INO80: variants seen among roughly 807,000 people sequenced by gnomAD.
The protein encoded by INO80 is INO80 complex ATPase subunit.
Under a neutral mutation model 203.4 loss-of-function variants are expected in INO80, and 20 were observed. The observed-to-expected ratio is 0.10, with a 90% CI of 0.07 to 0.14. The LOEUF (loss-of-function observed/expected upper bound fraction) is 0.14. Among genes scored for constraint, INO80 ranks in the 10% least tolerant of loss-of-function variants. INO80 has a pLI of 1.00. For missense variants in INO80, 1,419 were observed against 1,914.4 expected (o/e 0.74, Z 4.83); for synonymous variants, 726 against 685.2 (o/e 1.06, Z -0.93).
rs966917789 is a variant in INO80, at chr15:41,014,128, C to G, written c.3402+1960G>C. Among the ~76,000 whole-genome samples, 22 of 152,174 alleles carry G rather than the reference C, an allele frequency of 1.4e-4. 1 individual carries two copies. The highest frequency in any genetic ancestry group is 5.1e-4 in the African/African-American group (21 of 41,446). On this transcript the variant is annotated intron_variant, in intron 27 of 35. Coordinates refer to ENST00000648947, the MANE Select transcript of INO80 (RefSeq NM_017553.3). Reference sequence around the variant, plus strand: ...ACCGAGGGAAGGACTATAATAAAGGCTGTATCAAACTTAAACCACCTACAC... The same window carrying G: ...ACCGAGGGAAGGACTATAATAAAGGGTGTATCAAACTTAAACCACCTACAC...
At chr15:41,081,314 G>C (rs1232007747) in intron 7 of INO80, among the ~76,000 whole-genome samples, 1 of 152,126 alleles carries the variant, frequency 6.6e-6, no homozygotes, top group African/African-American at 2.4e-5. Flanking sequence ...GTATACTTTT[G>C]GGAAGATGTT....
At chr15:41,075,048 T>G (rs957515341) in intron 9 of INO80, among the ~76,000 whole-genome samples, 1 of 152,168 alleles carries the variant, frequency 6.6e-6, no homozygotes, top group African/African-American at 2.4e-5. Context: ...AATGAATAAC[T>G]TTCATTCATA....
At chr15:40,998,548 C>T (rs1226657104) in intron 28 of INO80, among the ~76,000 whole-genome samples, 2 of 152,140 alleles carry the variant, frequency 1.3e-5, no homozygotes, top group Non-Finnish European at 2.9e-5. Flanking sequence ...CAAAGAAACA[C>T]TGAATTACAA....
At chr15:41,111,818 C>A (rs1382643687) in intron 1 of INO80, among the ~76,000 whole-genome samples, 17 of 151,026 alleles carry the variant, frequency 1.1e-4, no homozygotes, top group Non-Finnish European at 5.9e-5. Context: ...AAAAAAAAAA[C>A]GTTTTTGCGG....
chr15:41,104,119 G>A (rs1485335611), intron 1 of INO80, among the ~76,000 whole-genome samples: 2 of 150,406 alleles, frequency 1.3e-5, no homozygotes, highest in African/African-American at 4.9e-5. Context: ...TACTTGGGAG[G>A]CTGAGGCAGC....
chr15:41,071,748 A>T lies in INO80; in HGVS notation c.1605+101T>A. 4 of 1,088,528 alleles carry T rather than the reference A, an allele frequency of 3.7e-6. No homozygotes were observed. The South Asian group carries it at 5.8e-5, about 16-fold the overall frequency. The allele number at this position is 1,088,528 out of a possible 1,614,324, so 67.4% of individuals were successfully genotyped here. A position where few individuals can be genotyped will look rare whatever the true frequency, so the allele number is the denominator to read the frequency against. On this transcript the variant is annotated intron_variant, in intron 12 of 35. Transcript: ENST00000648947. ...AGTGCTGGAATTGCAGGCATGAGCCACCGCGCTCAGCCAGATCTTGTACTC... is the reference window on the plus strand; with the variant it reads ...AGTGCTGGAATTGCAGGCATGAGCCTCCGCGCTCAGCCAGATCTTGTACTC...
At chr15:40,982,239 A>G (rs553403371) in intron 35 of INO80, among the ~76,000 whole-genome samples, 2 of 152,278 alleles carry the variant, frequency 1.3e-5, no homozygotes, top group African/African-American at 4.8e-5. Context: ...CTCCACCTCC[A>G]GGGTTCAGTC....
chr15:41,010,820 A>C (rs2044123522), intron 27 of INO80, among the ~76,000 whole-genome samples: 1 of 152,220 alleles, frequency 6.6e-6, no homozygotes, highest in African/African-American at 2.4e-5. Context: ...TCATTTTGAT[A>C]AAACAATTTA....
chr15:41,013,641 G>A lies in INO80; in HGVS notation c.3402+2447C>T, dbSNP rs139340533. Among the ~76,000 whole-genome samples the A allele has an allele frequency of 2.7e-3, 409 of 152,188 alleles. 3 individuals are homozygous for A. The highest frequency in any genetic ancestry group is 0.013 in the South Asian group (62 of 4,814). ...ACTAATCTCCTGGAATACAGAATGTGGTTCATTTGAGTGGGTAATATTAAA... is the reference window on the plus strand; with the variant it reads ...ACTAATCTCCTGGAATACAGAATGTAGTTCATTTGAGTGGGTAATATTAAA... On this transcript the variant is annotated intron_variant, in intron 27 of 35. Coordinates refer to ENST00000648947, the MANE Select transcript of INO80 (RefSeq NM_017553.3).
At chr15:41,114,581 C>T (rs190253318) in intron 1 of INO80, among the ~76,000 whole-genome samples, 5 of 151,928 alleles carry the variant, frequency 3.3e-5, no homozygotes, top group African/African-American at 7.2e-5. Flanking sequence ...TGGTGGCAGC[C>T]GCCTGTAATC....
At chr15:41,106,860 TTC>T (rs2045887508) in intron 1 of INO80, among the ~76,000 whole-genome samples, 1 of 152,192 alleles carries the variant, frequency 6.6e-6, no homozygotes, top group Non-Finnish European at 1.5e-5. Flanking sequence ...TATCTGTAAA[TTC>T]CACTCCAACA....
intron 32 of INO80, among the ~76,000 whole-genome samples, chr15:40,984,930 G>T (rs1346448497): frequency 6.6e-6 from 1 of 152,166 alleles, no homozygotes; most frequent in Non-Finnish European, 1.5e-5. Flanking sequence ...TAAACCGGGG[G>T]TTTATTTTTC....
chr15:41,115,999 G>T lies in INO80; in HGVS notation c.-70C>A, dbSNP rs1334830901. Reference sequence around the variant, plus strand: ...TCGGGCCGCCTGGCCCCGCCGCCGCGACGGCGGCGGAGGGGGGGCGGGGTG... The same window carrying T: ...TCGGGCCGCCTGGCCCCGCCGCCGCTACGGCGGCGGAGGGGGGGCGGGGTG... On this transcript the variant is annotated 5_prime_UTR_variant, in exon 1 of 36. Coordinates refer to ENST00000648947, the MANE Select transcript of INO80 (RefSeq NM_017553.3). 3 of 387,152 alleles carry T rather than the reference G, an allele frequency of 7.7e-6. No individual in the cohort carries two copies. Among genetic ancestry groups the T allele is most frequent in the Non-Finnish European group, 1.4e-5 (3 of 218,720 alleles). The allele number at this position is 387,152 out of a possible 1,614,324, so 24.0% of individuals were successfully genotyped here.
chr15:41,070,594 TA>T (rs1286265430), intron 12 of INO80, 47 bp from the exon 13 acceptor site: 1 of 1,475,018 alleles, frequency 6.8e-7, no homozygotes, highest in Non-Finnish European at 9.5e-7. Flanking sequence ...TTTCATCAAA[TA>T]AAGTTCAACC....
rs569741259 is a variant in INO80 at position 41,085,215 on chromosome 15, G to A, written c.873+154C>T. 2.0e-4 allele frequency among the ~76,000 whole-genome samples: 30 copies of A among 152,302 alleles called. No homozygotes were observed. The South Asian group carries it at 5.8e-3, about 29-fold the overall frequency. On this transcript the variant is annotated intron_variant, in intron 7 of 35. Transcript: ENST00000648947. ...CACATTCTAGAAGAAACTGTTAACT[G>A]AAAGAGTACTACTCAGCATTTTCTT...
At position 41,070,481 on chromosome 15, in the gene INO80, C is replaced by T. The variant is rs1292182939; in HGVS notation, c.1672G>A (p.Ala558Thr). Reference protein sequence around the residue: ...GKTVQSIALLAHLAERENIWG... With the variant: ...GKTVQSIALLTHLAERENIWG... ...CATCTACCCACCTCAGCCAGATGGG[C>T]CAGAAGGGCAATGCTCTGTACTGTT... Residue 558 changes from alanine to threonine, a missense_variant, in exon 13 of 36, where the codon GCC (alanine) becomes ACC (threonine). Physicochemically the swap from Ala to Thr is moderately conservative, Grantham distance 58. Coordinates refer to ENST00000648947, the MANE Select transcript of INO80 (RefSeq NM_017553.3). 1 of 1,613,918 alleles carries T rather than the reference C, an allele frequency of 6.2e-7. No homozygotes were observed. Among genetic ancestry groups the T allele is most frequent in the Non-Finnish European group, 8.5e-7 (1 of 1,179,814 alleles).
chr15:40,996,151 G>C (rs1162139850), intron 29 of INO80, among the ~76,000 whole-genome samples: 1 of 151,970 alleles, frequency 6.6e-6, no homozygotes, highest in Non-Finnish European at 1.5e-5. Flanking sequence ...CACAGTTGTG[G>C]GGATTTTGAT....
At chr15:41,099,933 A>G (rs568344137) in intron 1 of INO80, among the ~76,000 whole-genome samples, 2 of 152,296 alleles carry the variant, frequency 1.3e-5, no homozygotes, top group South Asian at 4.1e-4. Context: ...TATAAATGTA[A>G]AACTACTCTG....
chr15:41,105,463 T>C (rs1326897659), intron 1 of INO80, among the ~76,000 whole-genome samples: 1 of 152,094 alleles, frequency 6.6e-6, no homozygotes, highest in Non-Finnish European at 1.5e-5. Flanking sequence ...ACAACCACCA[T>C]TTTACATACA....
Sources: gnomAD v4.1 joint callset for allele counts (sites outside exome capture counted in the v4.1 genomes callset) on GRCh38, gnomAD v4.1.1 for gene constraint, MANE v1.5 for transcripts, NCBI Gene and HGNC (gene_info 2026-07-23, HGNC 2026-07-21) for gene names.